The following TBC1D12 variants were observed in gnomAD, a reference collection of about 807,000 sequenced individuals.
The protein encoded by TBC1D12 is TBC1 domain family member 12.
Under a neutral mutation model 86.7 loss-of-function variants are expected in TBC1D12, and 56 were observed. That is an observed-to-expected ratio of 0.65 (90% CI 0.52 to 0.81). The LOEUF (loss-of-function observed/expected upper bound fraction) is 0.81. TBC1D12 is among the 30% of genes least tolerant of loss of function. The pLI is 0.00. For synonymous variants in TBC1D12, 421 were observed against 411.7 expected (o/e 1.02, Z -0.27); for missense variants, 1,023 against 1,038.8 (o/e 0.98, Z 0.21).
Position 94,533,393 on chromosome 10 carries a change from T to C in TBC1D12, c.*297T>C. ...ATGCAATAAATTTTTAAAATAGCTT[T>C]GAAGATACTTCAAATTTTTACATCT... On this transcript the variant is annotated 3_prime_UTR_variant, in exon 13 of 13. Transcript: ENST00000225235. The C allele has an allele frequency of 4.5e-6, 1 of 224,662 alleles. No homozygotes were observed. The highest frequency in any genetic ancestry group is 8.6e-6 in the Non-Finnish European group (1 of 115,876). The allele number at this position is 224,662 out of a possible 1,614,324, so 13.9% of individuals were successfully genotyped here.
chr10:94,412,326 A>C (rs976087035), intron 1 of TBC1D12, among the ~76,000 whole-genome samples: 5 of 152,208 alleles, frequency 3.3e-5, no homozygotes, highest in African/African-American at 9.6e-5. Flanking sequence ...ACTGAAATCC[A>C]CTGATTTGAA....
chr10:94,482,511 C>T (rs949190171), intron 3 of TBC1D12, among the ~76,000 whole-genome samples: 4 of 151,514 alleles, frequency 2.6e-5, no homozygotes, highest in Admixed American at 6.6e-5. Flanking sequence ...GGTATAATGA[C>T]GCGATCATGG....
intron 1 of TBC1D12, among the ~76,000 whole-genome samples, chr10:94,437,472 G>A (rs1166770595): frequency 8.6e-5 from 13 of 151,920 alleles, no homozygotes; most frequent in Admixed American, 7.2e-4. Context: ...GACTACAGGC[G>A]CCCGCCACCA....
At chr10:94,493,505 T>C in intron 4 of TBC1D12, 58 bp downstream of exon 4, 1 of 1,206,950 alleles carries the variant, frequency 8.3e-7, no homozygotes, top group Non-Finnish European at 1.2e-6. Flanking sequence ...AGATGGATGG[T>C]AAAATTCATC....
At chr10:94,512,716 G>A (rs950345906) in intron 9 of TBC1D12, among the ~76,000 whole-genome samples, 4 of 152,176 alleles carry the variant, frequency 2.6e-5, no homozygotes, top group African/African-American at 9.7e-5. Flanking sequence ...TAGATTTAGG[G>A]TGGGGCAGGT....
At chr10:94,463,290 T>C (rs917347545) in intron 2 of TBC1D12, among the ~76,000 whole-genome samples, 6 of 152,324 alleles carry the variant, frequency 3.9e-5, no homozygotes, top group African/African-American at 1.4e-4. Context: ...AGAAAGGGAA[T>C]TTATTTCTTA....
At chr10:94,510,801 A>G (rs2056516558) in intron 8 of TBC1D12, among the ~76,000 whole-genome samples, 1 of 152,048 alleles carries the variant, frequency 6.6e-6, no homozygotes, top group African/African-American at 2.4e-5. Flanking sequence ...ATGTGCCACC[A>G]CACCCAGCTG....
rs777077769 is a variant in TBC1D12, at chr10:94,402,675, C to G, written c.62C>G (p.Pro21Arg). ...AGAAACCCCAAGTTGCTCCCGGTGC[C>G]TGCGCCGGACCCCGTGGGCCAGGAC... ...SGRNPKLLPVPAPDPVGQDRK... is the reference protein window; with the variant it reads ...SGRNPKLLPVRAPDPVGQDRK... The change falls in exon 1 of 13, where the codon CCT (proline) becomes CGT (arginine). Residue 21 changes from proline to arginine, a missense_variant. Around this residue, in one of 2 missense-constraint regions of TBC1D12, gnomAD observed 628 missense variants for 531.1 expected, o/e 1.18. Coordinates refer to ENST00000225235, the MANE Select transcript of TBC1D12 (RefSeq NM_015188.2). 7 of 1,608,000 alleles carry G rather than the reference C, an allele frequency of 4.4e-6. No homozygotes were observed. Among genetic ancestry groups the G allele is most frequent in the Non-Finnish European group, 5.1e-6 (6 of 1,177,972 alleles).
chr10:94,520,799 A>G (rs1424330586), intron 9 of TBC1D12, among the ~76,000 whole-genome samples: 2 of 151,800 alleles, frequency 1.3e-5, no homozygotes, highest in Non-Finnish European at 2.9e-5. Context: ...AGCTAGGACT[A>G]CAGGCACCTG....
At chr10:94,515,305 C>G (rs922853735) in intron 9 of TBC1D12, among the ~76,000 whole-genome samples, 1 of 151,886 alleles carries the variant, frequency 6.6e-6, no homozygotes. Flanking sequence ...GGGATATATT[C>G]CAAGACACCA....
At chr10:94,414,780 A>G (rs1251961771) in intron 1 of TBC1D12, among the ~76,000 whole-genome samples, 4 of 151,946 alleles carry the variant, frequency 2.6e-5, no homozygotes, top group Non-Finnish European at 4.4e-5. Context: ...TTGTATTTTT[A>G]GTAGAGATGG....
intron 2 of TBC1D12, among the ~76,000 whole-genome samples, chr10:94,472,431 G>A (rs1172429990): frequency 6.6e-6 from 1 of 152,122 alleles, no homozygotes; most frequent in Admixed American, 6.6e-5. Context: ...GTTACACAGT[G>A]TCAGTCAATG....
intron 1 of TBC1D12, among the ~76,000 whole-genome samples, chr10:94,431,346 T>C (rs1308949004): frequency 6.7e-6 from 1 of 148,558 alleles, no homozygotes; most frequent in East Asian, 2.0e-4. Flanking sequence ...ACCCAGGAGG[T>C]GGAGTTTGCA....
intron 1 of TBC1D12, among the ~76,000 whole-genome samples, chr10:94,429,909 TTTTG>T (rs1165417974): frequency 6.6e-6 from 1 of 152,142 alleles, no homozygotes; most frequent in Non-Finnish European, 1.5e-5. Context: ...AATTTTTGCA[TTTTG>T]TTTGTAGAGA....
intron 2 of TBC1D12, among the ~76,000 whole-genome samples, chr10:94,465,844 A>T (rs1210674786): frequency 6.6e-6 from 1 of 151,370 alleles, no homozygotes; most frequent in Admixed American, 6.6e-5. Context: ...GCATACATAT[A>T]TACGTACATG....
intron 3 of TBC1D12, among the ~76,000 whole-genome samples, chr10:94,488,309 A>G (rs553565220): frequency 9.3e-5 from 14 of 150,758 alleles, no homozygotes; most frequent in African/African-American, 2.7e-4. Flanking sequence ...AATCGCTTCA[A>G]CATGGGAGGC....
intron 2 of TBC1D12, 63 bp downstream of exon 2, chr10:94,442,082 C>CT (rs78976375): frequency 6.3e-3 from 7,531 of 1,194,298 alleles, no homozygotes; most frequent in Non-Finnish European, 6.9e-3. Flanking sequence ...TCTTCTTCTT[C>CT]TTTTTTTTTT....
rs1005142184 is a variant in TBC1D12, at chr10:94,535,362, G to A, written c.*2266G>A. 2 of 152,154 alleles carry A rather than the reference G, an allele frequency of 1.3e-5. No individual in the cohort carries two copies. The highest frequency in any genetic ancestry group is 4.8e-5 in the African/African-American group (2 of 41,428). 9.4% of individuals were successfully genotyped at this position (152,154 alleles called of 1,614,324 possible). A position where few individuals can be genotyped will look rare whatever the true frequency, so the allele number is the denominator to read the frequency against. ...ATTTACAGTGTGTTTTTATGTTGCA[G>A]TTTAGTTTGAAACAACACTTAAGCA... On this transcript the variant is annotated 3_prime_UTR_variant, in exon 13 of 13. Coordinates refer to ENST00000225235, the MANE Select transcript of TBC1D12 (RefSeq NM_015188.2).
chr10:94,523,940 G>T (rs1370839312), intron 11 of TBC1D12, among the ~76,000 whole-genome samples: 1 of 152,146 alleles, frequency 6.6e-6, no homozygotes, highest in Non-Finnish European at 1.5e-5. Flanking sequence ...CTGTCCTCCA[G>T]CCTGGGTGAC....
Sources: allele counts gnomAD v4.1 joint callset (sites outside exome capture counted in the v4.1 genomes callset), GRCh38; gene constraint gnomAD v4.1.1; regional missense constraint gnomAD v4.1.1; transcripts MANE v1.5; gene names NCBI Gene and HGNC (gene_info 2026-07-23, HGNC 2026-07-21).